The following SLC45A1 variants were observed in gnomAD, a reference collection of about 807,000 sequenced individuals.
SLC45A1 encodes solute carrier family 45 member 1, also known as proton-associated sugar transporter A.
A neutral mutation model predicts 57.6 loss-of-function variants in SLC45A1; 28 were observed. The observed-to-expected ratio is 0.49, with a 90% CI of 0.36 to 0.67. The LOEUF (loss-of-function observed/expected upper bound fraction) is 0.67. Among genes scored for constraint, SLC45A1 ranks in the 30% least tolerant of loss-of-function variants. The pLI, the probability that SLC45A1 is intolerant of heterozygous loss-of-function variation, is 0.00. For missense variants in SLC45A1, 814 were observed against 1,041.5 expected (o/e 0.78, Z 3.01); for synonymous variants, 459 against 471.5 (o/e 0.97, Z 0.34).
chr1:8,320,383 C>T (rs1285652440), intron 1 of SLC45A1, among the ~76,000 whole-genome samples: 1 of 152,190 alleles, frequency 6.6e-6, no homozygotes, highest in East Asian at 1.9e-4. Context: ...TGGCTCATGC[C>T]TGTAATTCCA....
Position 8,330,888 on chromosome 1 carries a change from A to AG in SLC45A1, c.1400dup (p.Pro468SerfsTer26). The AG allele has an allele frequency of 6.2e-7, 1 of 1,603,220 alleles. No homozygotes were observed. The highest frequency in any genetic ancestry group is 8.5e-7 in the Non-Finnish European group (1 of 1,172,338). On this transcript the variant is annotated frameshift_variant, in exon 5 of 9. Transcript: ENST00000471889. LOFTEE classifies it high-confidence loss of function. This position sits in a 1 kb window ranked among gnomAD's most constrained non-coding sequence, Gnocchi z 8.4. ...TGGCCATCCCGGACGCAGCCGGAGG[A>AG]GGGGGTCCCGAAACCAGCAGGAGAA... is the stretch of plus-strand genomic sequence containing the variant.
At chr1:8,322,548 G>C (rs528984835) in intron 1 of SLC45A1, among the ~76,000 whole-genome samples, 1 of 151,846 alleles carries the variant, frequency 6.6e-6, no homozygotes, top group East Asian at 1.9e-4. Flanking sequence ...TGAGTGGGTG[G>C]GGTGGTGGAA....
intron 1 of SLC45A1, among the ~76,000 whole-genome samples, chr1:8,320,663 CTCTCTCTCTCTCTGTT>C (rs1372647648): frequency 7.8e-5 from 11 of 141,626 alleles, no homozygotes; most frequent in African/African-American, 2.4e-4. Context: ...GTCTGTCTCT[CTCTCTCTCTCTCTGTT>C]TCTCTCTCTC....
rs762425445 is a variant in SLC45A1 at position 8,335,475 on chromosome 1, C to T, written c.1482C>T (p.Ser494=). 21 of 1,599,646 alleles carry T rather than the reference C, an allele frequency of 1.3e-5. No individual in the cohort carries two copies. The highest frequency in any genetic ancestry group is 1.7e-4 in the Middle Eastern group (1 of 6,060). The stretch of plus-strand genomic sequence containing the variant: ...TGCTCAACGGCGTGAAGTATGAGAG[C>T]GAGCTGACGGGCTCCAGCGAGCGCG... The part of the protein sequence containing the change: ...NILLNGVKYE[S]ELTGSSERAE... The change falls in exon 6 of 9, where the codon AGC becomes AGT. Residue 494 remains serine, a synonymous_variant. Coordinates refer to ENST00000471889, the MANE Select transcript of SLC45A1 (RefSeq NM_001080397.3). This position sits in a 1 kb window ranked among gnomAD's most constrained non-coding sequence, Gnocchi z 4.1.
At chr1:8,323,785 T>C (rs1385712360) in intron 1 of SLC45A1, among the ~76,000 whole-genome samples, 2 of 151,680 alleles carry the variant, frequency 1.3e-5, no homozygotes, top group Non-Finnish European at 2.9e-5. Context: ...CGTTAGGGAG[T>C]GGAGAGGACT....
intron 1 of SLC45A1, among the ~76,000 whole-genome samples, chr1:8,322,055 A>ATGAG (rs1640032590): frequency 2.7e-5 from 1 of 36,928 alleles, no homozygotes; most frequent in African/African-American, 1.2e-4. Context: ...GGGTGGATGG[A>ATGAG]TGGATGGGTG....
In SLC45A1 at chr1:8,327,652, A is replaced by T. The variant is rs939576962; in HGVS notation, c.715+1610A>T. 1.3e-5 allele frequency among the ~76,000 whole-genome samples: 2 copies of T among 152,216 alleles called. No homozygotes were observed. Among genetic ancestry groups the T allele is most frequent in the African/African-American group, 2.4e-5 (1 of 41,456 alleles). On this transcript the variant is annotated intron_variant, in intron 4 of 8. Coordinates refer to ENST00000471889, the MANE Select transcript of SLC45A1 (RefSeq NM_001080397.3). This position sits in a 1 kb window ranked among gnomAD's most constrained non-coding sequence, Gnocchi z 4.3. Reference sequence around the variant, plus strand: ...GAGACCCCATCTCTAAAAACATAAGATTAAATAAATAAATAACTCTAGCTT... The same window carrying T: ...GAGACCCCATCTCTAAAAACATAAGTTTAAATAAATAAATAACTCTAGCTT...
At chr1:8,319,848 C>G (rs1009506318) in intron 1 of SLC45A1, among the ~76,000 whole-genome samples, 2 of 152,094 alleles carry the variant, frequency 1.3e-5, no homozygotes, top group African/African-American at 2.4e-5. Context: ...TCCGGAGTAG[C>G]TGGGATTACA....
At position 8,325,142 on chromosome 1, in the gene SLC45A1, C is replaced by T. The variant is rs927326873; in HGVS notation, c.398-156C>T. Among the ~76,000 whole-genome samples the T allele has an allele frequency of 2.0e-5, 3 of 152,128 alleles. No homozygotes were observed. Among genetic ancestry groups the T allele is most frequent in the Non-Finnish European group, 2.9e-5 (2 of 68,034 alleles). On this transcript the variant is annotated intron_variant, in intron 2 of 8. Coordinates refer to ENST00000471889, the MANE Select transcript of SLC45A1 (RefSeq NM_001080397.3). The surrounding 1 kb of genome is among the most constrained non-coding windows in gnomAD (Gnocchi z 6.3). Reference sequence around the variant, plus strand: ...CCAGAGTCTGCTGAGCTTTGGTTTCCGAGTTCAGGGTTTTGTCACTGACTG... The same window carrying T: ...CCAGAGTCTGCTGAGCTTTGGTTTCTGAGTTCAGGGTTTTGTCACTGACTG...
chr1:8,330,119 G>A lies in SLC45A1; in HGVS notation c.716-90G>A. 1.3e-6 allele frequency: 2 copies of A among 1,493,584 alleles called. No homozygotes were observed. Among genetic ancestry groups the A allele is most frequent in the East Asian group, 2.3e-5 (1 of 44,120 alleles). The allele number at this position is 1,493,584 out of a possible 1,614,324, so 92.5% of individuals were successfully genotyped here. A position where few individuals can be genotyped will look rare whatever the true frequency, so the allele number is the denominator to read the frequency against. On this transcript the variant is annotated intron_variant, in intron 4 of 8. Transcript: ENST00000471889. The surrounding 1 kb of genome is among the most constrained non-coding windows in gnomAD (Gnocchi z 8.4). ...TGCCCACGTCCCTGGAATGGCCTTG[G>A]CTACCTTCATGTCCTTCTAAGAACG...
intron 7 of SLC45A1, among the ~76,000 whole-genome samples, chr1:8,339,040 G>C (rs1329679628): frequency 6.6e-6 from 1 of 152,202 alleles, no homozygotes; most frequent in Non-Finnish European, 1.5e-5. Context: ...ATTCTAGGGA[G>C]CCCCGTCGCT....
Position 8,339,650 on chromosome 1 carries a change from G to C in SLC45A1, c.1932G>C (p.Leu644=). 1 of 1,614,220 alleles carries C rather than the reference G, an allele frequency of 6.2e-7. No homozygotes were observed. The highest frequency in any genetic ancestry group is 8.5e-7 in the Non-Finnish European group (1 of 1,180,042). Residue 644 remains leucine, a synonymous_variant, in exon 8 of 9, where the codon CTG becomes CTC. Coordinates refer to ENST00000471889, the MANE Select transcript of SLC45A1 (RefSeq NM_001080397.3). ...CITYGILFST[L]CTLPYSLLCD... The stretch of plus-strand genomic sequence containing the variant: ...CCTACGGGATTTTATTTTCCACCCT[G>C]TGCACCTTGCCTTACTCGCTGCTCT...
At chr1:8,331,043 C>T (rs1640391370) in intron 5 of SLC45A1, 107 bp downstream of exon 5, 1 of 1,378,148 alleles carries the variant, frequency 7.3e-7, no homozygotes, top group Non-Finnish European at 9.7e-7. Context: ...AAATTCCCGG[C>T]TGTTATGGGG....
Position 8,318,230 on chromosome 1 carries a change from G to C in SLC45A1, c.-25+44G>C, listed in dbSNP as rs1639884369. 4 of 414,886 alleles carry C rather than the reference G, an allele frequency of 9.6e-6. No homozygotes were observed. In the East Asian group the frequency reaches 1.4e-4, roughly 15 times the overall value. 25.7% of individuals were successfully genotyped at this position (414,886 alleles called of 1,614,324 possible). On this transcript the variant is annotated intron_variant, in intron 1 of 8. Transcript: ENST00000471889. ...CGCCCTCCGCCCGCTCTCTGGCTCC[G>C]TGCCTGCCGGGGCGCCGCGCCCTGG...
At position 8,323,619 on chromosome 1, in the gene SLC45A1, A is replaced by ACTT. The variant is rs5772313; in HGVS notation, c.-24-687_-24-686insCTT. Among the ~76,000 whole-genome samples the ACTT allele has an allele frequency of 2.0e-5, 3 of 151,718 alleles. No individual in the cohort carries two copies. The East Asian group carries it at 5.8e-4, about 29-fold the overall frequency. ...ACGGGATTCCAGAGTTCGGCTTATT[A>ACTT]AAGAAAGCATTTTCGAACACTGTCA... On this transcript the variant is annotated intron_variant, in intron 1 of 8. Coordinates refer to ENST00000471889, the MANE Select transcript of SLC45A1 (RefSeq NM_001080397.3).
intron 4 of SLC45A1, among the ~76,000 whole-genome samples, chr1:8,329,402 G>T (rs572666217): frequency 2.0e-5 from 3 of 152,336 alleles, no homozygotes; most frequent in African/African-American, 7.2e-5. Flanking sequence ...TAAAACACCG[G>T]ATCCCTGATG....
At chr1:8,329,832 G>A (rs1640323787) in intron 4 of SLC45A1, among the ~76,000 whole-genome samples, 1 of 152,220 alleles carries the variant, frequency 6.6e-6, no homozygotes, top group African/African-American at 2.4e-5. Context: ...GAGCCATGGG[G>A]TCGGCCCTGA....
In SLC45A1 at chr1:8,343,729, T is replaced by C; in HGVS notation, c.1981-18T>C. 6.3e-7 allele frequency: 1 copy of C among 1,597,366 alleles called. No homozygotes were observed. Among genetic ancestry groups the C allele is most frequent in the Non-Finnish European group, 8.6e-7 (1 of 1,167,190 alleles). The stretch of plus-strand genomic sequence containing the variant: ...GGCCGCGGCGTGTCTCGCTGACACG[T>C]TTCTTCCTCTGGGTCAGTTTGCAGG... On this transcript the variant is annotated intron_variant, in intron 8 of 8. Transcript: ENST00000471889. The surrounding 1 kb of genome is among the most constrained non-coding windows in gnomAD (Gnocchi z 7.7).
At chr1:8,341,852 G>A (rs999137275) in intron 8 of SLC45A1, among the ~76,000 whole-genome samples, 3 of 151,874 alleles carry the variant, frequency 2.0e-5, no homozygotes, top group Admixed American at 6.6e-5. Flanking sequence ...CCTGGGAGGC[G>A]GAGGTTGCAC....
Sources: gnomAD v4.1 joint callset for allele counts (sites outside exome capture counted in the v4.1 genomes callset) on GRCh38, gnomAD v4.1.1 for gene constraint, Gnocchi (gnomAD v3.1) non-coding constraint, MANE v1.5 for transcripts, NCBI Gene and HGNC (gene_info 2026-07-23, HGNC 2026-07-21) for gene names.